The following SORBS2 variants were observed in gnomAD, a reference collection of about 807,000 sequenced individuals.
The protein encoded by SORBS2 is sorbin and SH3 domain containing 2.
In SORBS2, 46 loss-of-function variants were observed where a neutral mutation model predicts 97.7. The observed-to-expected ratio is 0.47, with a 90% CI of 0.37 to 0.60. The LOEUF (loss-of-function observed/expected upper bound fraction) is 0.60, where lower values mean the gene tolerates loss of function less well. Among genes scored for constraint, SORBS2 ranks in the 20% least tolerant of loss-of-function variants. The pLI is 0.00. For missense variants in SORBS2, 1,316 were observed against 1,282.3 expected, an observed-to-expected ratio of 1.03 and a Z score of -0.40; for synonymous variants, 476 against 473.4, an observed-to-expected ratio of 1.01 and a Z score of -0.07.
chr4:185,666,998 G>GA (rs1464474207), intron 4 of SORBS2, among the ~76,000 whole-genome samples: 3 of 152,226 alleles, frequency 2.0e-5, no homozygotes. Flanking sequence ...TCTGTAGGAG[G>GA]AAGAGAGAAG....
chr4:185,822,407 G>A (rs543779058), intron 1 of SORBS2, among the ~76,000 whole-genome samples: 1 of 152,360 alleles, frequency 6.6e-6, no homozygotes, highest in East Asian at 1.9e-4. Context: ...AGGAGAGATG[G>A]CACAGCAGCG....
At chr4:185,643,008 C>T (rs1292181101) in intron 4 of SORBS2, among the ~76,000 whole-genome samples, 3 of 152,374 alleles carry the variant, frequency 2.0e-5, no homozygotes, top group South Asian at 4.1e-4. Flanking sequence ...AGAAATTCCA[C>T]GAATGCATAT....
intron 1 of SORBS2, among the ~76,000 whole-genome samples, chr4:185,798,640 A>G (rs2099116767): frequency 6.6e-6 from 1 of 152,166 alleles, no homozygotes. Flanking sequence ...TTAATTAAAC[A>G]TGTTCTTATC....
intron 1 of SORBS2, among the ~76,000 whole-genome samples, chr4:185,864,190 G>C (rs556774206): frequency 1.3e-5 from 2 of 152,226 alleles, no homozygotes; most frequent in African/African-American, 2.4e-5. Context: ...ATAAAAAGCC[G>C]GAGTGTAACA....
At chr4:185,856,545 C>T (rs1337973566) in intron 1 of SORBS2, among the ~76,000 whole-genome samples, 1 of 152,082 alleles carries the variant, frequency 6.6e-6, no homozygotes, top group Non-Finnish European at 1.5e-5. Context: ...TAAAGCATCT[C>T]CAGTAACTTT....
chr4:185,624,067 C>T (rs2096767388), exon 7 of SORBS2: 1 of 1,614,076 alleles, frequency 6.2e-7, no homozygotes, highest in Admixed American at 1.7e-5. Context: ...TGTACATCTT[C>T]AGGAACCCCG....
rs142050443 is a variant in SORBS2 at position 185,841,435 on chromosome 4, G to A, written c.-337-66069C>T. Among the ~76,000 whole-genome samples, 5 of 152,216 alleles carry A rather than the reference G, an allele frequency of 3.3e-5. No homozygotes were observed. The East Asian group carries it at 5.8e-4, about 18-fold the overall frequency. ...TGAGTTCCTGGGCTGGATTGTCAGC[G>A]TTTCAATACCTTTCTTCCCTTCTAT... On this transcript the variant is annotated intron_variant, in intron 1 of 20. Coordinates refer to the SORBS2 transcript ENST00000284776.
intron 1 of SORBS2, among the ~76,000 whole-genome samples, chr4:185,801,728 A>G (rs2099131854): frequency 6.6e-6 from 1 of 151,832 alleles, no homozygotes; most frequent in Non-Finnish European, 1.5e-5. Context: ...ACATTTCTTA[A>G]TCTTTCCATG....
chr4:185,868,174 T>TTTTTTTTTTTTTG, intron 1 of SORBS2, among the ~76,000 whole-genome samples: 1 of 143,302 alleles, frequency 7.0e-6, no homozygotes, highest in East Asian at 2.1e-4. Flanking sequence ...TTTTTTTTTT[T>TTTTTTTTTTTTTG]GAGGCAGAGT....
intron 1 of SORBS2, among the ~76,000 whole-genome samples, chr4:185,948,057 G>A (rs748186025): frequency 6.2e-4 from 95 of 152,098 alleles, no homozygotes; most frequent in Non-Finnish European, 1.2e-3. Flanking sequence ...TGTTGTTGTT[G>A]TTGTTTTCCA....
At chr4:185,865,242 C>G (rs572872080) in intron 1 of SORBS2, among the ~76,000 whole-genome samples, 1 of 152,170 alleles carries the variant, frequency 6.6e-6, no homozygotes, top group Non-Finnish European at 1.5e-5. Context: ...GTGACGGAAA[C>G]GTTAAGAGGT....
intron 2 of SORBS2, among the ~76,000 whole-genome samples, chr4:185,759,896 T>C (rs1398895014): frequency 1.3e-5 from 2 of 152,190 alleles, no homozygotes; most frequent in African/African-American, 4.8e-5. Flanking sequence ...TTAGCAATAA[T>C]CTAAGCCAAC....
chr4:185,734,479 G>A (rs1307796273), intron 2 of SORBS2, among the ~76,000 whole-genome samples: 1 of 152,128 alleles, frequency 6.6e-6, no homozygotes, highest in African/African-American at 2.4e-5. Context: ...CTCATGGTTG[G>A]TTTTGCTGAT....
chr4:185,670,134 G>T (rs550765047), intron 4 of SORBS2, among the ~76,000 whole-genome samples: 15 of 152,098 alleles, frequency 9.9e-5, no homozygotes, highest in Middle Eastern at 3.4e-3. Context: ...CAGGAGAATT[G>T]CTTGAACCTG....
At chr4:185,839,508 GCAGT>G (rs1264454613) in intron 1 of SORBS2, among the ~76,000 whole-genome samples, 8 of 152,144 alleles carry the variant, frequency 5.3e-5, no homozygotes, top group Admixed American at 5.2e-4. Flanking sequence ...CACGTATTCT[GCAGT>G]CAGAGTTCCC....
At chr4:185,830,840 G>A (rs1453577209) in intron 1 of SORBS2, among the ~76,000 whole-genome samples, 2 of 152,182 alleles carry the variant, frequency 1.3e-5, no homozygotes, top group South Asian at 2.1e-4. Flanking sequence ...TTGTGTGAGG[G>A]TGGCTGGACA....
intron 2 of SORBS2, among the ~76,000 whole-genome samples, chr4:185,708,596 G>T (rs1483462238): frequency 6.6e-6 from 1 of 152,146 alleles, no homozygotes; most frequent in East Asian, 1.9e-4. Context: ...TATACATTTG[G>T]CATAAGGCTA....
At chr4:185,627,090 G>A in intron 5 of SORBS2, 71 bp from the exon 18 acceptor site, 1 of 1,354,096 alleles carries the variant, frequency 7.4e-7, no homozygotes, top group Non-Finnish European at 1.1e-6. Flanking sequence ...AAAACCGGTG[G>A]AACGTGCTAG....
intron 4 of SORBS2, among the ~76,000 whole-genome samples, chr4:185,644,244 T>C (rs2097173973): frequency 6.6e-6 from 1 of 152,176 alleles, no homozygotes; most frequent in Admixed American, 6.5e-5. Flanking sequence ...AAGTTCCTTC[T>C]ACTTATCTTC....
Sources: gnomAD v4.1 joint callset for allele counts (sites outside exome capture counted in the v4.1 genomes callset) on GRCh38, gnomAD v4.1.1 for gene constraint, MANE v1.5 for transcripts, NCBI Gene and HGNC (gene_info 2026-07-23, HGNC 2026-07-21) for gene names.